Variants in CFLAR observed in about 807,000 individuals in gnomAD.
CFLAR encodes CASP8 and FADD-like apoptosis regulator.
Under a neutral mutation model 51.1 loss-of-function variants are expected in CFLAR, and 14 were observed. The observed-to-expected ratio is 0.27, with a 90% CI of 0.18 to 0.43. The LOEUF (loss-of-function observed/expected upper bound fraction) is 0.43, where lower values mean the gene tolerates loss of function less well. Among genes scored for constraint, CFLAR ranks in the 20% least tolerant of loss-of-function variants. CFLAR has a pLI of 1.00. For synonymous variants in CFLAR, 210 were observed against 211.6 expected, an observed-to-expected ratio of 0.99 and a Z score of 0.06; for missense variants, 390 against 566.5, an observed-to-expected ratio of 0.69 and a Z score of 3.16.
chr2:201,152,608 A>T (rs1941461952), intron 8 of CFLAR, among the ~76,000 whole-genome samples: 1 of 152,154 alleles, frequency 6.6e-6, no homozygotes, highest in Non-Finnish European at 1.5e-5. Context: ...CAAGTGAGAG[A>T]CCAGGGCACT....
intron 2 of CFLAR, among the ~76,000 whole-genome samples, chr2:201,131,634 C>T (rs1391468556): frequency 6.6e-6 from 1 of 152,158 alleles, no homozygotes; most frequent in Non-Finnish European, 1.5e-5. Flanking sequence ...GAGCTGAAAG[C>T]AGTGTGGGCT....
At chr2:201,141,768 CT>C in intron 5 of CFLAR, 1 of 430,126 alleles carries the variant, frequency 2.3e-6, no homozygotes, top group Non-Finnish European at 3.2e-6. Context: ...CGGAATTGTT[CT>C]TTAGTTAATC....
intron 2 of CFLAR, among the ~76,000 whole-genome samples, chr2:201,132,358 C>T (rs1218456245): frequency 1.3e-5 from 2 of 151,622 alleles, no homozygotes; most frequent in African/African-American, 2.4e-5. Context: ...CAATACTAAC[C>T]ACAGGGTGTC....
chr2:201,136,540 T>C (rs1317292332), intron 4 of CFLAR: 1 of 1,503,982 alleles, frequency 6.6e-7, no homozygotes. Context: ...AAAACCTCCT[T>C]ATGGAAAAGA....
At chr2:201,134,298 A>G (rs891027681) in intron 3 of CFLAR, among the ~76,000 whole-genome samples, 3 of 150,504 alleles carry the variant, frequency 2.0e-5, no homozygotes, top group African/African-American at 7.4e-5. Context: ...ACGGAGCAAG[A>G]CTCTGTCTCA....
chr2:201,139,132 C>A (rs1368546536), intron 4 of CFLAR: 1 of 373,304 alleles, frequency 2.7e-6, no homozygotes, highest in Non-Finnish European at 5.1e-6. Context: ...TGTAACCTTA[C>A]CCCCAACCCT....
intron 1 of CFLAR, among the ~76,000 whole-genome samples, chr2:201,128,828 C>T (rs72931023): frequency 0.027 from 4,128 of 152,196 alleles, 95 homozygotes; most frequent in Middle Eastern, 0.082. Context: ...GATAGGTTAG[C>T]AACTTAAATT....
chr2:201,133,928 C>CA (rs1267307823), intron 3 of CFLAR, among the ~76,000 whole-genome samples: 685 of 48,596 alleles, frequency 0.014, 3 homozygotes, highest in East Asian at 0.019. Context: ...GACTCCATCT[C>CA]AAAAAAAAAA....
At chr2:201,155,704 G>A (rs1242936966) in intron 8 of CFLAR, among the ~76,000 whole-genome samples, 4 of 151,820 alleles carry the variant, frequency 2.6e-5, no homozygotes, top group Non-Finnish European at 4.4e-5. Flanking sequence ...GCTCACTGCA[G>A]CCTTCACCTC....
chr2:201,171,449 A>G lies in CFLAR; in HGVS notation c.*7476A>G, dbSNP rs1412293407. ...CTCACTTGTAAGCGGAAGCTGAACA[A>G]TGAGAACACACGGACACAGGGATGA... On this transcript the variant is annotated 3_prime_UTR_variant, in exon 10 of 10. Coordinates refer to ENST00000309955, the MANE Select transcript of CFLAR (RefSeq NM_003879.7). The G allele has an allele frequency of 2.0e-5, 3 of 151,770 alleles. No individual in the cohort carries two copies. The highest frequency in any genetic ancestry group is 2.9e-5 in the Non-Finnish European group (2 of 67,942). The allele number at this position is 151,770 out of a possible 1,614,324, so 9.4% of individuals were successfully genotyped here. A position where few individuals can be genotyped will look rare whatever the true frequency, so the allele number is the denominator to read the frequency against.
At position 201,124,769 on chromosome 2, in the gene CFLAR, AG is replaced by A; in HGVS notation, c.-137-4957del. ...GACGGATGGTAGGCACCAGCATTTA[AG>A]GGACAGGTGCAGAAAGAGTATGCTG... On this transcript the variant is annotated intron_variant, in intron 1 of 9. Coordinates refer to ENST00000309955, the MANE Select transcript of CFLAR (RefSeq NM_003879.7). The surrounding 1 kb of genome is among the most constrained non-coding windows in gnomAD (Gnocchi z 4.7). Among the ~76,000 whole-genome samples, 1 of 152,238 alleles carries A rather than the reference AG, an allele frequency of 6.6e-6. No individual in the cohort carries two copies. The highest frequency in any genetic ancestry group is 1.5e-5 in the Non-Finnish European group (1 of 68,048).
At chr2:201,135,661 G>A (rs1015536728) in intron 3 of CFLAR, among the ~76,000 whole-genome samples, 5 of 151,470 alleles carry the variant, frequency 3.3e-5, no homozygotes, top group East Asian at 1.9e-4. Flanking sequence ...ACAGGGTCTC[G>A]CTCTGCTGCC....
chr2:201,133,928 C>CAAA (rs1267307823), intron 3 of CFLAR, among the ~76,000 whole-genome samples: 7 of 49,834 alleles, frequency 1.4e-4, no homozygotes, highest in Admixed American at 2.7e-4. Flanking sequence ...GACTCCATCT[C>CAAA]AAAAAAAAAA....
At chr2:201,128,383 G>C (rs962189717) in intron 1 of CFLAR, among the ~76,000 whole-genome samples, 3 of 152,066 alleles carry the variant, frequency 2.0e-5, no homozygotes, top group African/African-American at 7.2e-5. Context: ...CTTTCATTGA[G>C]CACATTTAAT....
chr2:201,120,640 A>G (rs1456417019), intron 1 of CFLAR, among the ~76,000 whole-genome samples: 1 of 82,538 alleles, frequency 1.2e-5, no homozygotes, highest in East Asian at 2.0e-4. Context: ...TAGTTACTTA[A>G]CTCCAAGGTT....
At chr2:201,142,232 G>C (rs1179553892) in intron 5 of CFLAR, among the ~76,000 whole-genome samples, 2 of 151,638 alleles carry the variant, frequency 1.3e-5, no homozygotes, top group Non-Finnish European at 1.5e-5. Flanking sequence ...GTGTGAGTGT[G>C]CCACTGCACT....
rs975306809 is a variant in CFLAR at position 201,133,191 on chromosome 2, T to C, written c.387+57T>C. The C allele has an allele frequency of 1.8e-5, 23 of 1,282,740 alleles. No homozygotes were observed. The Admixed American group carries it at 3.8e-4, about 21-fold the overall frequency. 79.5% of individuals were successfully genotyped at this position (1,282,740 alleles called of 1,614,324 possible). On this transcript the variant is annotated intron_variant, in intron 3 of 9. Transcript: ENST00000309955. ...GGAGCCTATCAGAAGTGGGAGCTAC[T>C]CTTGTTGATACAGAGAGAGGGAAGC...
Position 201,138,777 on chromosome 2 carries a change from T to C in CFLAR, c.524-1580T>C. Reference sequence around the variant, plus strand: ...ACTGGCCTGGAACTCTGGGGTGCAGTTGTGGTGAATGAAACCAGTACCTCC... The same window carrying C: ...ACTGGCCTGGAACTCTGGGGTGCAGCTGTGGTGAATGAAACCAGTACCTCC... On this transcript the variant is annotated intron_variant, in intron 4 of 9. Coordinates refer to ENST00000309955, the MANE Select transcript of CFLAR (RefSeq NM_003879.7). The surrounding 1 kb of genome is among the most constrained non-coding windows in gnomAD (Gnocchi z 4.0). 2.6e-6 allele frequency: 2 copies of C among 767,864 alleles called. No individual in the cohort carries two copies. Among genetic ancestry groups the C allele is most frequent in the East Asian group, 2.5e-5 (1 of 40,632 alleles). The allele number at this position is 767,864 out of a possible 1,614,324, so 47.6% of individuals were successfully genotyped here.
chr2:201,136,229 C>T (rs1290919603), intron 4 of CFLAR, 122 bp downstream of exon 4: 3 of 1,607,852 alleles, frequency 1.9e-6, no homozygotes, highest in African/African-American at 2.7e-5. Flanking sequence ...TGACCAAAGC[C>T]TCCTTTAGCT....
Sources: gnomAD v4.1 joint callset for allele counts (sites outside exome capture counted in the v4.1 genomes callset) on GRCh38, gnomAD v4.1.1 for gene constraint, Gnocchi (gnomAD v3.1) non-coding constraint, MANE v1.5 for transcripts, NCBI Gene and HGNC (gene_info 2026-07-23, HGNC 2026-07-21) for gene names.